SEMA3A: variants seen among roughly 807,000 people sequenced by gnomAD.
SEMA3A encodes the protein semaphorin 3A, also known as semaphorin-3A.
A neutral mutation model predicts 97.9 loss-of-function variants in SEMA3A; 29 were observed. The observed-to-expected ratio is 0.30, with a 90% CI of 0.22 to 0.40. SEMA3A has a LOEUF of 0.40. Ranked by LOEUF, SEMA3A falls within the 10% of genes least tolerant of loss-of-function variation. SEMA3A has a pLI of 1.00. For synonymous variants in SEMA3A, 321 were observed against 323.7 expected, an observed-to-expected ratio of 0.99 and a Z score of 0.09; for missense variants, 763 against 951.3, an observed-to-expected ratio of 0.80 and a Z score of 2.60.
At chr7:84,471,828 A>C (rs1307919845) in intron 1 of SEMA3A, among the ~76,000 whole-genome samples, 2 of 152,034 alleles carry the variant, frequency 1.3e-5, no homozygotes, top group Admixed American at 1.3e-4. Flanking sequence ...TGGCTGGGGA[A>C]ATCTTTTTTT....
chr7:84,191,106 C>A (rs1557936), intron 1 of SEMA3A, among the ~76,000 whole-genome samples: 9,549 of 150,564 alleles, frequency 0.063, 349 homozygotes, highest in African/African-American at 0.093. Context: ...AGGTAAAGAA[C>A]TTTTGCAAAT....
chr7:84,300,032 C>CA (rs58929555), intron 3 of SEMA3A, among the ~76,000 whole-genome samples: 1,708 of 53,302 alleles, frequency 0.032, 41 homozygotes, highest in African/African-American at 0.084. Flanking sequence ...GACTCAGTCA[C>CA]AAAAAAAAAA....
At chr7:84,386,028 T>C (rs539652760) in intron 1 of SEMA3A, among the ~76,000 whole-genome samples, 1 of 152,326 alleles carries the variant, frequency 6.6e-6, no homozygotes, top group South Asian at 2.1e-4. Context: ...GCTGCTCACA[T>C]TATTCTAAGA....
intron 3 of SEMA3A, among the ~76,000 whole-genome samples, chr7:84,270,351 G>A (rs1486068836): frequency 6.6e-6 from 1 of 151,830 alleles, no homozygotes. Flanking sequence ...TTTACCTACT[G>A]TGCAAGAGAA....
chr7:84,453,872 T>C (rs1007486862), intron 1 of SEMA3A, among the ~76,000 whole-genome samples: 1 of 152,206 alleles, frequency 6.6e-6, no homozygotes, highest in Non-Finnish European at 1.5e-5. Flanking sequence ...TTAATTCTAG[T>C]TACACTTTTT....
At chr7:84,261,733 C>T (rs1369296695) in intron 3 of SEMA3A, among the ~76,000 whole-genome samples, 3 of 152,206 alleles carry the variant, frequency 2.0e-5, no homozygotes, top group East Asian at 1.9e-4. Flanking sequence ...CCGCCTGGCT[C>T]GCCCTTGGCA....
At chr7:84,096,829 A>G (rs1173005844) in intron 4 of SEMA3A, among the ~76,000 whole-genome samples, 2 of 151,560 alleles carry the variant, frequency 1.3e-5, no homozygotes, top group East Asian at 3.9e-4. Flanking sequence ...TATTTTGCTT[A>G]CCAGTCACAT....
At chr7:83,977,936 T>G (rs906036343) in intron 14 of SEMA3A, among the ~76,000 whole-genome samples, 1 of 151,800 alleles carries the variant, frequency 6.6e-6, no homozygotes, top group Admixed American at 6.6e-5. Context: ...CCTGAGTAGC[T>G]GGGACTACAG....
chr7:84,406,113 G>C (rs1804077146), intron 1 of SEMA3A, among the ~76,000 whole-genome samples: 1 of 152,178 alleles, frequency 6.6e-6, no homozygotes, highest in Admixed American at 6.5e-5. Context: ...TCCAGGAGCT[G>C]GTTTTTTGAA....
At chr7:84,054,171 G>C (rs1358813855) in intron 5 of SEMA3A, among the ~76,000 whole-genome samples, 2 of 152,210 alleles carry the variant, frequency 1.3e-5, no homozygotes, top group African/African-American at 4.8e-5. Flanking sequence ...CAACTTTGGT[G>C]AATCTGACAA....
At chr7:84,049,891 A>T (rs1432768802) in intron 5 of SEMA3A, among the ~76,000 whole-genome samples, 2 of 122,126 alleles carry the variant, frequency 1.6e-5, no homozygotes, top group Admixed American at 1.0e-4. Flanking sequence ...CAGTCCCCAG[A>T]GTGTGATGTT....
At chr7:83,983,770 T>C (rs193244189) in intron 13 of SEMA3A, among the ~76,000 whole-genome samples, 28 of 152,272 alleles carry the variant, frequency 1.8e-4, no homozygotes, top group East Asian at 1.5e-3. Flanking sequence ...CACTAGTAAG[T>C]TACCTGATGT....
chr7:84,066,975 G>A (rs1249344354), intron 4 of SEMA3A, among the ~76,000 whole-genome samples: 5 of 152,036 alleles, frequency 3.3e-5, no homozygotes, highest in Admixed American at 3.3e-4. Context: ...TCAATCCTAA[G>A]CCAAAAGAAC....
Position 84,132,662 on chromosome 7 carries a change from G to GTT in SEMA3A, c.270+2130_270+2131dup, listed in dbSNP as rs55830654. Among the ~76,000 whole-genome samples the GTT allele has an allele frequency of 5.6e-3, 486 of 86,624 alleles. 36 individuals carry two copies. The highest frequency in any genetic ancestry group is 7.0e-3 in the Non-Finnish European group (313 of 44,998). 56.8% of individuals were successfully genotyped at this position (86,624 alleles called of 152,430 possible). ...TCTAATTTTTCTTCATCGACTTGGT[G>GTT]TTTTTTTTTTTTTTTTTTTTTTTTT... On this transcript the variant is annotated intron_variant, in intron 2 of 16. Coordinates refer to ENST00000265362, the MANE Select transcript of SEMA3A (RefSeq NM_006080.3).
At chr7:84,197,257 A>G (rs1798254049), upstream of SEMA3A, among the ~76,000 whole-genome samples, 1 of 152,180 alleles carries the variant, frequency 6.6e-6, no homozygotes, top group South Asian at 2.1e-4. Flanking sequence ...CAAATTATTT[A>G]TGATCTTCCT....
In SEMA3A at chr7:84,085,082, C is replaced by G. The variant is rs1165240755; in HGVS notation, c.454-24524G>C. ...ACAATGGTAAGAGAATTTTTTTTTT[C>G]TTTATACATACATTTAGAAAGGGAT... is the stretch of plus-strand genomic sequence containing the variant. On this transcript the variant is annotated intron_variant, in intron 4 of 16. Transcript: ENST00000265362. Among the ~76,000 whole-genome samples the G allele has an allele frequency of 2.7e-5, 4 of 148,628 alleles. No homozygotes were observed. The East Asian group carries it at 7.9e-4, about 29-fold the overall frequency.
intron 3 of SEMA3A, among the ~76,000 whole-genome samples, chr7:84,252,815 G>C (rs532554008): frequency 6.6e-6 from 1 of 152,052 alleles, no homozygotes; most frequent in Non-Finnish European, 1.5e-5. Flanking sequence ...GTTTCTAAGA[G>C]AACTTGGATC....
intron 2 of SEMA3A, among the ~76,000 whole-genome samples, chr7:84,322,768 T>A (rs760067993): frequency 6.6e-6 from 1 of 152,164 alleles, no homozygotes; most frequent in South Asian, 2.1e-4. Flanking sequence ...AAACATAACT[T>A]TTTAGAAAGA....
At chr7:84,121,588 A>G (rs1196515746) in intron 3 of SEMA3A, among the ~76,000 whole-genome samples, 4 of 127,808 alleles carry the variant, frequency 3.1e-5, no homozygotes, top group Non-Finnish European at 4.9e-5. Context: ...TATGTGCCAC[A>G]TTTTCTTAAT....
Sources: gnomAD v4.1 joint callset for allele counts (sites outside exome capture counted in the v4.1 genomes callset) on GRCh38, gnomAD v4.1.1 for gene constraint, MANE v1.5 for transcripts, NCBI Gene and HGNC (gene_info 2026-07-23, HGNC 2026-07-21) for gene names.